The following STK32B variants were observed in gnomAD, a reference collection of about 807,000 sequenced individuals.
STK32B encodes serine/threonine kinase 32B, also known as serine/threonine-protein kinase 32B.
Under a neutral mutation model 52.6 loss-of-function variants are expected in STK32B, and 43 were observed. That is an observed-to-expected ratio of 0.82 (90% CI 0.64 to 1.05). The LOEUF is 1.05. STK32B is among the 50% of genes least tolerant of loss of function. The probability of loss-of-function intolerance (pLI) is 0.00; values close to 1 mark genes in which losing one functional copy is unlikely to be tolerated. For missense variants in STK32B, 621 were observed against 534.6 expected (o/e 1.16, Z -1.59); for synonymous variants, 238 against 204.3 (o/e 1.17, Z -1.41).
intron 3 of STK32B, among the ~76,000 whole-genome samples, chr4:5,199,978 A>C (rs887045258): frequency 2.0e-5 from 3 of 152,164 alleles, no homozygotes; most frequent in Non-Finnish European, 4.4e-5. Flanking sequence ...GTTGAATGGA[A>C]GCTCAGGGCT....
At chr4:5,445,794 C>G (rs1187499521) in intron 6 of STK32B, among the ~76,000 whole-genome samples, 1 of 152,168 alleles carries the variant, frequency 6.6e-6, no homozygotes, top group Non-Finnish European at 1.5e-5. Flanking sequence ...CAAAGGAAAA[C>G]CGGTACCCAT....
chr4:5,456,701 TGAAGAG>T (rs1716551348), intron 7 of STK32B, 100 bp from the exon 8 acceptor site: 2 of 1,063,414 alleles, frequency 1.9e-6, no homozygotes, highest in African/African-American at 1.6e-5. Flanking sequence ...CACTGTTACT[TGAAGAG>T]GAAGAATAAA....
At chr4:5,076,503 T>C (rs1712082788) in intron 1 of STK32B, among the ~76,000 whole-genome samples, 1 of 152,162 alleles carries the variant, frequency 6.6e-6, no homozygotes, top group African/African-American at 2.4e-5. Flanking sequence ...GACAAAAGCA[T>C]AGGGGCATTT....
intron 6 of STK32B, 46 bp downstream of exon 6, chr4:5,416,980 C>A: frequency 1.3e-6 from 2 of 1,533,546 alleles, no homozygotes; most frequent in Non-Finnish European, 1.8e-6. Context: ...GGCTCACTGC[C>A]TAAGACTCAG....
chr4:5,221,559 T>C (rs1377604063), intron 3 of STK32B, among the ~76,000 whole-genome samples: 6 of 152,316 alleles, frequency 3.9e-5, no homozygotes, highest in Admixed American at 6.5e-5. Flanking sequence ...AATGGGGATA[T>C]AGCAGATGCT....
intron 4 of STK32B, among the ~76,000 whole-genome samples, chr4:5,363,503 G>A (rs903319868): frequency 7.9e-5 from 12 of 152,186 alleles, no homozygotes; most frequent in Non-Finnish European, 1.5e-4. Context: ...GCAGACTCCA[G>A]ACTTGGTGCC....
chr4:5,479,444 G>C (rs1327309951), intron 11 of STK32B, among the ~76,000 whole-genome samples: 5 of 152,176 alleles, frequency 3.3e-5, no homozygotes, highest in Non-Finnish European at 7.3e-5. Flanking sequence ...CTAAGAATTG[G>C]AGGAATATTC....
intron 1 of STK32B, among the ~76,000 whole-genome samples, chr4:5,129,485 CTA>C (rs1168945428): frequency 6.6e-6 from 1 of 152,156 alleles, no homozygotes; most frequent in Non-Finnish European, 1.5e-5. Context: ...AATGAATAAA[CTA>C]TGTATTCTTA....
At chr4:5,051,476 G>GCTCCTTCCC (rs1741775184), upstream of STK32B, 1 of 253,546 alleles carries the variant, frequency 3.9e-6, no homozygotes, top group Non-Finnish European at 7.4e-6. Context: ...CTCCTCCCCC[G>GCTCCTTCCC]CTCCTTCCCC....
chr4:5,174,557 A>T (rs1465803017), intron 3 of STK32B, among the ~76,000 whole-genome samples: 1 of 152,128 alleles, frequency 6.6e-6, no homozygotes, highest in Non-Finnish European at 1.5e-5. Flanking sequence ...TCCTTCACTT[A>T]TGCAGCATAG....
At chr4:5,286,043 C>T (rs1004655297) in intron 3 of STK32B, among the ~76,000 whole-genome samples, 9 of 151,914 alleles carry the variant, frequency 5.9e-5, no homozygotes, top group East Asian at 1.9e-4. Context: ...GGTGAGAAGA[C>T]GGCCGTCTAC....
intron 1 of STK32B, among the ~76,000 whole-genome samples, chr4:5,123,355 C>T (rs1715176369): frequency 6.6e-6 from 1 of 152,200 alleles, no homozygotes; most frequent in South Asian, 2.1e-4. Context: ...ATGCAGCCGG[C>T]ACAAATGAGG....
At chr4:5,148,317 T>C (rs574842258) in intron 2 of STK32B, among the ~76,000 whole-genome samples, 3 of 151,936 alleles carry the variant, frequency 2.0e-5, no homozygotes, top group African/African-American at 7.2e-5. Flanking sequence ...ATCTTAGCTC[T>C]TCAAGATAGA....
intron 1 of STK32B, among the ~76,000 whole-genome samples, chr4:5,082,263 A>G (rs1413952305): frequency 2.0e-5 from 3 of 152,200 alleles, no homozygotes; most frequent in Admixed American, 2.0e-4. Flanking sequence ...CCAATCCTAC[A>G]GAGTCAGGTC....
At position 5,400,369 on chromosome 4, in the gene STK32B, G is replaced by T. The variant is rs1383933846; in HGVS notation, c.472+2125G>T. ...CCACATTCTTTCTGCATCTCGTTCT[G>T]CCCCCTTGAGCTCCTCATCTTTTTC... On this transcript the variant is annotated intron_variant, in intron 5 of 11. Coordinates refer to ENST00000282908, the MANE Select transcript of STK32B (RefSeq NM_018401.3). This position sits in a 1 kb window ranked among gnomAD's most constrained non-coding sequence, Gnocchi z 6.1. Among the ~76,000 whole-genome samples, 1 of 151,752 alleles carries T rather than the reference G, an allele frequency of 6.6e-6. No individual in the cohort carries two copies. The highest frequency in any genetic ancestry group is 1.5e-5 in the Non-Finnish European group (1 of 67,990).
At chr4:5,462,865 C>G (rs1194232613) in intron 9 of STK32B, among the ~76,000 whole-genome samples, 1 of 152,180 alleles carries the variant, frequency 6.6e-6, no homozygotes, top group Non-Finnish European at 1.5e-5. Context: ...CAGTTGACAA[C>G]CACAAGGGTA....
intron 1 of STK32B, among the ~76,000 whole-genome samples, chr4:5,089,345 T>G (rs1170557477): frequency 6.6e-6 from 1 of 151,972 alleles, no homozygotes; most frequent in African/African-American, 2.4e-5. Flanking sequence ...CTCAACCCCA[T>G]CCCACAACAG....
At chr4:5,416,481 C>T (rs929790178) in intron 5 of STK32B, among the ~76,000 whole-genome samples, 1 of 152,134 alleles carries the variant, frequency 6.6e-6, no homozygotes, top group Non-Finnish European at 1.5e-5. Flanking sequence ...TCCTCTTCAC[C>T]TACCCCCGCC....
At chr4:5,266,403 G>T (rs528677956) in intron 3 of STK32B, among the ~76,000 whole-genome samples, 3 of 152,286 alleles carry the variant, frequency 2.0e-5, no homozygotes, top group Admixed American at 2.0e-4. Flanking sequence ...GGGGGTAAAA[G>T]GGTTAGGTCT....
Sources: allele counts gnomAD v4.1 joint callset (sites outside exome capture counted in the v4.1 genomes callset), GRCh38; gene constraint gnomAD v4.1.1; non-coding constraint Gnocchi (gnomAD v3.1); transcripts MANE v1.5; gene names NCBI Gene and HGNC (gene_info 2026-07-23, HGNC 2026-07-21).